The following TENM4 variants were observed in gnomAD, a reference collection of about 807,000 sequenced individuals.
TENM4 encodes teneurin transmembrane protein 4, also known as teneurin-4.
Under a neutral mutation model 243.3 loss-of-function variants are expected in TENM4, and 82 were observed. The ratio of observed to expected loss-of-function variants is 0.34; its 90% confidence interval spans 0.28 to 0.40. TENM4 has a LOEUF of 0.40. Among genes scored for constraint, TENM4 ranks in the 10% least tolerant of loss-of-function variants. The probability of loss-of-function intolerance (pLI) is 1.00; values close to 1 mark genes in which losing one functional copy is unlikely to be tolerated. For synonymous variants in TENM4, 1,412 were observed against 1,456.3 expected (o/e 0.97, Z 0.69); for missense variants, 3,138 against 3,673.3 (o/e 0.85, Z 3.77).
intron 1 of TENM4, among the ~76,000 whole-genome samples, chr11:79,401,248 G>T (rs1858455394): frequency 6.6e-6 from 1 of 152,092 alleles, no homozygotes; most frequent in Non-Finnish European, 1.5e-5. Flanking sequence ...TGCAAGCCTT[G>T]TGCTAGGCAC....
chr11:78,734,123 C>T (rs1480855572), intron 20 of TENM4, among the ~76,000 whole-genome samples: 1 of 152,050 alleles, frequency 6.6e-6, no homozygotes, highest in African/African-American at 2.4e-5. Context: ...ACCTGGGAGG[C>T]AGAGGTTGCA....
At chr11:78,932,342 T>TTCAGG (rs1412448751) in intron 6 of TENM4, among the ~76,000 whole-genome samples, 41 of 152,256 alleles carry the variant, frequency 2.7e-4, no homozygotes, top group African/African-American at 9.4e-4. Flanking sequence ...TGCACATCAG[T>TTCAGG]TCAGGGGACA....
At chr11:78,719,701 AGTCAGGT>A (rs1292714834) in intron 25 of TENM4, among the ~76,000 whole-genome samples, 2 of 152,204 alleles carry the variant, frequency 1.3e-5, no homozygotes, top group Non-Finnish European at 2.9e-5. Flanking sequence ...GCTATCCAGG[AGTCAGGT>A]GAATGCCATA....
chr11:79,238,968 T>G (rs1864535210), intron 2 of TENM4, among the ~76,000 whole-genome samples: 1 of 152,184 alleles, frequency 6.6e-6, no homozygotes, highest in South Asian at 2.1e-4. Flanking sequence ...GGGGTTGCAG[T>G]GAGCCAAAAT....
chr11:79,047,706 A>G (rs1234996926), intron 6 of TENM4, among the ~76,000 whole-genome samples: 1 of 152,150 alleles, frequency 6.6e-6, no homozygotes, highest in Non-Finnish European at 1.5e-5. Context: ...GCAGGTTCGG[A>G]GTCAGGCGGG....
chr11:79,001,313 G>A (rs560300316), intron 6 of TENM4, among the ~76,000 whole-genome samples: 1 of 152,268 alleles, frequency 6.6e-6, no homozygotes, highest in South Asian at 2.1e-4. Flanking sequence ...AGTGGATGAA[G>A]GGAGGATGCA....
intron 3 of TENM4, among the ~76,000 whole-genome samples, chr11:79,164,572 C>G (rs957098236): frequency 2.0e-4 from 25 of 124,774 alleles, no homozygotes; most frequent in Middle Eastern, 3.5e-3. Context: ...ATACTATATA[C>G]TATATATATA....
At chr11:79,237,384 A>G (rs926369648) in intron 2 of TENM4, among the ~76,000 whole-genome samples, 1 of 152,204 alleles carries the variant, frequency 6.6e-6, no homozygotes, top group African/African-American at 2.4e-5. Flanking sequence ...TCTGGTATAA[A>G]GTAAACATAG....
At chr11:78,936,437 T>C (rs138402402) in intron 6 of TENM4, among the ~76,000 whole-genome samples, 42 of 152,314 alleles carry the variant, frequency 2.8e-4, no homozygotes, top group South Asian at 2.3e-3. Context: ...TTAACTAATA[T>C]CTTTATTAGA....
chr11:79,239,123 A>C (rs1864539447), intron 2 of TENM4, among the ~76,000 whole-genome samples: 1 of 152,202 alleles, frequency 6.6e-6, no homozygotes, highest in South Asian at 2.1e-4. Context: ...TGATGCCATC[A>C]AGTCACAGGT....
chr11:79,034,460 TC>T (rs1357589920), intron 6 of TENM4, among the ~76,000 whole-genome samples: 1 of 152,224 alleles, frequency 6.6e-6, no homozygotes, highest in African/African-American at 2.4e-5. Flanking sequence ...ACGCTGGAGA[TC>T]CTGCTCTTGT....
chr11:78,756,864 C>G lies in TENM4; in HGVS notation c.2697G>C (p.Lys899Asn). The change falls in exon 19 of 34, where the codon AAG becomes AAC. Residue 899 changes from lysine (K) to asparagine (N), a missense_variant. This residue lies in a region of TENM4 where 2,467 missense variants were observed against 3,059.1 expected (regional missense o/e 0.81). Coordinates refer to ENST00000278550, the MANE Select transcript of TENM4 (RefSeq NM_001098816.3). Reference protein sequence around the residue: ...QNLHSFYDRIKFLVGRDSTHI... With the variant: ...QNLHSFYDRINFLVGRDSTHI... The stretch of plus-strand genomic sequence containing the variant: ...GCGTGCTGTCCCTGCCCACGAGGAA[C>G]TTGATGCGGTCATAGAAGGAGTGTA... 1 of 1,613,970 alleles carries G rather than the reference C, an allele frequency of 6.2e-7. No homozygotes were observed. Among genetic ancestry groups the G allele is most frequent in the East Asian group, 2.2e-5 (1 of 44,848 alleles).
Position 79,026,832 on chromosome 11 carries a change from T to C in TENM4, c.493+37906A>G, listed in dbSNP as rs1490270879. Among the ~76,000 whole-genome samples, 3 of 152,184 alleles carry C rather than the reference T, an allele frequency of 2.0e-5. No homozygotes were observed. The East Asian group carries it at 5.8e-4, about 29-fold the overall frequency. On this transcript the variant is annotated intron_variant, in intron 6 of 33. Transcript: ENST00000278550. ...ATCACGCAGCAGAAAAGCCAGCTTC[T>C]TGGACTCTGGTAAAAGGGCAAAACA... is the stretch of plus-strand genomic sequence containing the variant.
At chr11:78,737,739 C>A (rs1855832741) in intron 20 of TENM4, among the ~76,000 whole-genome samples, 2 of 152,150 alleles carry the variant, frequency 1.3e-5, no homozygotes, top group Admixed American at 6.5e-5. Context: ...GTAATTTTAA[C>A]AAATAGCTAA....
intron 3 of TENM4, among the ~76,000 whole-genome samples, chr11:79,155,385 G>A (rs1419931844): frequency 2.4e-4 from 36 of 150,784 alleles, no homozygotes; most frequent in Non-Finnish European, 4.6e-4. Flanking sequence ...GAAATAAATG[G>A]TTAGCCATTA....
chr11:78,876,226 A>G (rs1859266677), intron 9 of TENM4, among the ~76,000 whole-genome samples: 1 of 152,220 alleles, frequency 6.6e-6, no homozygotes, highest in Non-Finnish European at 1.5e-5. Context: ...AAGGCCTTAC[A>G]TAAAGGCATG....
At chr11:78,837,545 C>T (rs189468757) in intron 12 of TENM4, among the ~76,000 whole-genome samples, 1 of 152,284 alleles carries the variant, frequency 6.6e-6, no homozygotes, top group Non-Finnish European at 1.5e-5. Context: ...AGTGATCAAC[C>T]TGATGAACCT....
intron 3 of TENM4, among the ~76,000 whole-genome samples, chr11:79,213,675 G>A (rs1863993947): frequency 6.6e-6 from 1 of 152,224 alleles, no homozygotes; most frequent in African/African-American, 2.4e-5. Flanking sequence ...GGGAGAGAAA[G>A]CCCCCGGTGA....
At chr11:79,304,043 T>TG (rs1036836254) in intron 1 of TENM4, among the ~76,000 whole-genome samples, 1 of 152,064 alleles carries the variant, frequency 6.6e-6, no homozygotes, top group Non-Finnish European at 1.5e-5. Flanking sequence ...CTGGGTACTT[T>TG]GGGAAAAGGG....
Sources: gnomAD v4.1 joint callset for allele counts (sites outside exome capture counted in the v4.1 genomes callset) on GRCh38, gnomAD v4.1.1 for gene constraint, gnomAD v4.1.1 regional missense constraint, MANE v1.5 for transcripts, NCBI Gene and HGNC (gene_info 2026-07-23, HGNC 2026-07-21) for gene names.